The following ADAM32 variants were observed in gnomAD, a reference collection of about 807,000 sequenced individuals.
ADAM32 encodes disintegrin and metalloproteinase domain-containing protein 32.
ADAM32 carries 89 observed loss-of-function variants against 114.9 expected under a neutral mutation model. The ratio of observed to expected loss-of-function variants is 0.77; its 90% confidence interval spans 0.65 to 0.92. The LOEUF (loss-of-function observed/expected upper bound fraction) is 0.92. Among genes scored for constraint, ADAM32 ranks in the 40% least tolerant of loss-of-function variants. The probability of loss-of-function intolerance (pLI) is 0.00; values close to 1 mark genes in which losing one functional copy is unlikely to be tolerated. For missense variants in ADAM32, 870 were observed against 932.8 expected, an observed-to-expected ratio of 0.93 and a Z score of 0.88; for synonymous variants, 285 against 307.5, an observed-to-expected ratio of 0.93 and a Z score of 0.77.
intron 12 of ADAM32, among the ~76,000 whole-genome samples, chr8:39,215,252 G>T (rs111895696): frequency 7.1e-4 from 108 of 151,944 alleles, no homozygotes; most frequent in African/African-American, 2.6e-3. Flanking sequence ...CATTGAATTT[G>T]TAGATTTCTT....
At chr8:39,208,526 A>G (rs187588856) in intron 11 of ADAM32, among the ~76,000 whole-genome samples, 2 of 152,172 alleles carry the variant, frequency 1.3e-5, no homozygotes, top group Non-Finnish European at 2.9e-5. Flanking sequence ...CTTGTTGCAC[A>G]TTAGCATTCT....
At chr8:39,243,646 G>A (rs1810707104) in intron 16 of ADAM32, among the ~76,000 whole-genome samples, 1 of 152,144 alleles carries the variant, frequency 6.6e-6, no homozygotes, top group Admixed American at 6.6e-5. Context: ...AATAAAGGCT[G>A]TATATGCCAA....
chr8:39,190,078 A>C (rs1014810104), intron 11 of ADAM32, among the ~76,000 whole-genome samples: 2 of 152,210 alleles, frequency 1.3e-5, no homozygotes, highest in South Asian at 2.1e-4. Context: ...TTGGCCTCCG[A>C]AAGTGTCTAC....
intron 16 of ADAM32, among the ~76,000 whole-genome samples, chr8:39,241,704 G>A (rs372684439): frequency 2.0e-5 from 3 of 152,202 alleles, no homozygotes; most frequent in South Asian, 4.1e-4. Context: ...AGGGACCGTG[G>A]GCCTGGCCCA....
At position 39,186,900 on chromosome 8, in the gene ADAM32, T is replaced by C. The variant is rs781771180; in HGVS notation, c.916-9T>C. On this transcript the variant is annotated splice_polypyrimidine_tract_variant and intron_variant, in intron 10 of 24. Transcript: ENST00000379907. The stretch of plus-strand genomic sequence containing the variant: ...TCTTTCCTTAGAATTTTCTTTGTTG[T>C]TATTATAGTACCCCAAGGAGATAAC... The C allele has an allele frequency of 3.2e-6, 5 of 1,572,198 alleles. No homozygotes were observed. Among genetic ancestry groups the C allele is most frequent in the Non-Finnish European group, 8.6e-7 (1 of 1,163,068 alleles).
At chr8:39,208,152 T>A (rs549887041) in intron 11 of ADAM32, among the ~76,000 whole-genome samples, 1 of 152,274 alleles carries the variant, frequency 6.6e-6, no homozygotes, top group Non-Finnish European at 1.5e-5. Context: ...TCATATTGTT[T>A]TTCATAATGG....
chr8:39,283,763 C>A, intron 24 of ADAM32, 139 bp downstream of exon 24: 534 of 345,802 alleles, frequency 1.5e-3, no homozygotes, highest in Non-Finnish European at 2.3e-3. Context: ...ACCTATCTTT[C>A]TTTTATTCTT....
At chr8:39,284,739 G>A in intron 24 of ADAM32, 54 bp from the exon 25 acceptor site, 1 of 1,605,394 alleles carries the variant, frequency 6.2e-7, no homozygotes, top group African/African-American at 1.3e-5. Context: ...TGTACAGTGG[G>A]AGGGAATTTG....
At chr8:39,193,434 G>T (rs1054125243) in intron 11 of ADAM32, among the ~76,000 whole-genome samples, 1 of 152,024 alleles carries the variant, frequency 6.6e-6, no homozygotes, top group African/African-American at 2.4e-5. Flanking sequence ...TACTTGAATT[G>T]GGTTCAATGT....
chr8:39,246,106 A>G lies in ADAM32; in HGVS notation c.1842A>G (p.Val614=). 6.2e-7 allele frequency: 1 copy of G among 1,613,580 alleles called. No homozygotes were observed. Among genetic ancestry groups the G allele is most frequent in the African/African-American group, 1.3e-5 (1 of 75,040 alleles). The part of the protein sequence containing the change: ...IGRVCVNREC[V]ESRIIKASAH... Reference sequence around the variant, plus strand: ...AGGTTTGTGTAAATCGTGAATGTGTAGAATCAAGGATAATTAAGGCTTCAG... The same window carrying G: ...AGGTTTGTGTAAATCGTGAATGTGTGGAATCAAGGATAATTAAGGCTTCAG... The change falls in exon 17 of 25, where the codon GTA becomes GTG. Residue 614 remains valine, a synonymous_variant. Coordinates refer to ENST00000379907, the MANE Select transcript of ADAM32 (RefSeq NM_145004.7).
At chr8:39,259,289 C>T (rs1228816757) in intron 19 of ADAM32, among the ~76,000 whole-genome samples, 4 of 151,532 alleles carry the variant, frequency 2.6e-5, no homozygotes, top group African/African-American at 4.8e-5. Context: ...AACCTTAGCT[C>T]GCCGGGTTCA....
intron 19 of ADAM32, among the ~76,000 whole-genome samples, chr8:39,261,158 C>G (rs1811997725): frequency 6.6e-6 from 1 of 152,050 alleles, no homozygotes; most frequent in Non-Finnish European, 1.5e-5. Flanking sequence ...AGAATTAGAA[C>G]TTTTTTCGCA....
intron 14 of ADAM32, among the ~76,000 whole-genome samples, chr8:39,231,556 A>G (rs577299189): frequency 4.6e-5 from 7 of 152,294 alleles, no homozygotes; most frequent in African/African-American, 1.7e-4. Flanking sequence ...AAAATCCAAT[A>G]TAATGAAGGA....
chr8:39,235,427 T>C (rs1400217759), intron 16 of ADAM32, among the ~76,000 whole-genome samples: 1 of 152,156 alleles, frequency 6.6e-6, no homozygotes, highest in Non-Finnish European at 1.5e-5. Context: ...TTTATTTTTA[T>C]GCATTCGAGT....
At chr8:39,257,044 G>T in intron 18 of ADAM32, 143 bp from the exon 19 acceptor site, 1 of 938,280 alleles carries the variant, frequency 1.1e-6, no homozygotes, top group Non-Finnish European at 1.5e-6. Flanking sequence ...CAAGGATTAT[G>T]ATTACAATTC....
intron 11 of ADAM32, 53 bp from the exon 12 acceptor site, chr8:39,211,091 A>C: frequency 5.4e-6 from 7 of 1,302,062 alleles, no homozygotes; most frequent in Non-Finnish European, 7.1e-6. Context: ...TATCATATAG[A>C]AATGTGTTTC....
chr8:39,271,939 A>T (rs116265585), intron 20 of ADAM32, among the ~76,000 whole-genome samples: 4,096 of 151,856 alleles, frequency 0.027, 213 homozygotes, highest in African/African-American at 0.094. Context: ...GCACTTTAGG[A>T]GGCTGAGGTG....
At chr8:39,230,699 G>C (rs1214696944) in intron 14 of ADAM32, among the ~76,000 whole-genome samples, 1 of 151,962 alleles carries the variant, frequency 6.6e-6, no homozygotes, top group South Asian at 2.1e-4. Context: ...ATGGTGGAAA[G>C]GGATAAGATG....
In ADAM32 at chr8:39,283,576, A is replaced by G; in HGVS notation, c.2319-10A>G. ...ATCAGCCTAAAAATGTTATTTCCTT[A>G]TTTCCTTAGATCCAAATCACAGGAC... On this transcript the variant is annotated splice_polypyrimidine_tract_variant and intron_variant, in intron 23 of 24. Transcript: ENST00000379907. 6.3e-7 allele frequency: 1 copy of G among 1,589,980 alleles called. No homozygotes were observed. The highest frequency in any genetic ancestry group is 8.6e-7 in the Non-Finnish European group (1 of 1,164,260).
Sources: gnomAD v4.1 joint callset for allele counts (sites outside exome capture counted in the v4.1 genomes callset) on GRCh38, gnomAD v4.1.1 for gene constraint, MANE v1.5 for transcripts, NCBI Gene and HGNC (gene_info 2026-07-23, HGNC 2026-07-21) for gene names.